The following PPAN variants were observed in gnomAD, a reference collection of about 807,000 sequenced individuals.
The protein encoded by PPAN is peter pan homolog.
In PPAN, 39 loss-of-function variants were observed where a neutral mutation model predicts 48.5. That is an observed-to-expected ratio of 0.80 (90% CI 0.62 to 1.05). The LOEUF (loss-of-function observed/expected upper bound fraction) is 1.05, where lower values mean the gene tolerates loss of function less well. PPAN is among the 50% of genes least tolerant of loss of function. PPAN has a pLI of 0.00. For synonymous variants in PPAN, 315 were observed against 268.6 expected (o/e 1.17, Z -1.69); for missense variants, 736 against 661.7 (o/e 1.11, Z -1.23).
Position 10,110,710 on chromosome 19 carries a change from G to A in PPAN, c.1045G>A (p.Glu349Lys), listed in dbSNP as rs1006148478. Residue 349 changes from glutamate to lysine, a missense_variant, in exon 11 of 12, where the codon GAG becomes AAG. Glu to Lys is a moderately conservative substitution (Grantham distance 56, BLOSUM62 1). Coordinates refer to ENST00000253107, the MANE Select transcript of PPAN (RefSeq NM_020230.7). This position sits in a 1 kb window ranked among gnomAD's most constrained non-coding sequence, Gnocchi z 5.9. Reference sequence around the variant, plus strand: ...GCCCTCCTCCAGAAAGAAGAGCCTGGAGGGCATGAAGAAGGCACGGGTCGG... The same window carrying A: ...GCCCTCCTCCAGAAAGAAGAGCCTGAAGGGCATGAAGAAGGCACGGGTCGG... Reference protein sequence around the residue: ...QREAHRKKSLEGMKKARVGGS... With the variant: ...QREAHRKKSLKGMKKARVGGS... 2.5e-6 allele frequency: 4 copies of A among 1,613,872 alleles called. No individual in the cohort carries two copies. In the South Asian group the frequency reaches 3.3e-5, roughly 13 times the overall value.
chr19:10,107,236 C>T (rs1280870297), intron 2 of PPAN, among the ~76,000 whole-genome samples: 2 of 152,170 alleles, frequency 1.3e-5, no homozygotes, highest in Middle Eastern at 3.2e-3. Flanking sequence ...TGGAAACTGA[C>T]TTCTCCCCAG....
chr19:10,112,003 G>C lies in PPAN; in HGVS notation c.*838G>C. 2.3e-6 allele frequency: 1 copy of C among 439,462 alleles called. No homozygotes were observed. Among genetic ancestry groups the C allele is most frequent in the South Asian group, 2.5e-5 (1 of 40,222 alleles). The allele number at this position is 439,462 out of a possible 1,614,324, so 27.2% of individuals were successfully genotyped here. On this transcript the variant is annotated 3_prime_UTR_variant, in exon 12 of 12. Transcript: ENST00000253107. ...CACATGCCTGTAATCCCAGCTACTC[G>C]GGAGGCTGAGACAAGAGAATCACTT...
At chr19:10,107,079 C>T in intron 2 of PPAN, 2 of 454,558 alleles carry the variant, frequency 4.4e-6, no homozygotes, top group Non-Finnish European at 8.5e-6. Flanking sequence ...CCCGGCTACT[C>T]GGGAGGCTGA....
chr19:10,109,211 G>A (rs2088951748), intron 5 of PPAN, among the ~76,000 whole-genome samples: 1 of 151,816 alleles, frequency 6.6e-6, no homozygotes, highest in Non-Finnish European at 1.5e-5. Flanking sequence ...TGCCCGCCTC[G>A]GCCTCCCAAA....
At position 10,108,037 on chromosome 19, in the gene PPAN, C is replaced by T. The variant is rs781624793; in HGVS notation, c.416C>T (p.Pro139Leu). The part of the protein sequence containing the change: ...RMHEQQFAHP[P>L]LLVLNSFGPH... ...CACGAGCAGCAGTTTGCCCACCCAC[C>T]CCTCCTGGTACTCAACAGCTTTGGC... The change falls in exon 5 of 12, where the codon CCC becomes CTC. Residue 139 changes from proline (P) to leucine (L), a missense_variant. Physicochemically the swap from Pro to Leu is moderately conservative, Grantham distance 98 (BLOSUM62 -3). Transcript: ENST00000253107. 5.6e-6 allele frequency: 9 copies of T among 1,613,860 alleles called. No individual in the cohort carries two copies. In the South Asian group the frequency reaches 6.6e-5, roughly 12 times the overall value.
upstream of PPAN, chr19:10,106,349 C>T: frequency 1.3e-6 from 2 of 1,548,626 alleles, no homozygotes; most frequent in Non-Finnish European, 1.7e-6. Context: ...AGCTGCGCAG[C>T]GCCGGAAGCG....
Position 10,111,329 on chromosome 19 carries a change from C to A in PPAN, c.*164C>A. 1.1e-6 allele frequency: 1 copy of A among 917,816 alleles called. No individual in the cohort carries two copies. The highest frequency in any genetic ancestry group is 1.6e-6 in the Non-Finnish European group (1 of 628,340). The allele number at this position is 917,816 out of a possible 1,614,324, so 56.9% of individuals were successfully genotyped here. On this transcript the variant is annotated 3_prime_UTR_variant, in exon 12 of 12. Coordinates refer to ENST00000253107, the MANE Select transcript of PPAN (RefSeq NM_020230.7). ...ACGTCAGCGTTTGGGATGGGGGATTCTGGAGCCATACAAAGCAACCCAGAG... is the reference window on the plus strand; with the variant it reads ...ACGTCAGCGTTTGGGATGGGGGATTATGGAGCCATACAAAGCAACCCAGAG...
rs759057734 is a variant in PPAN, at chr19:10,110,497, A to T, written c.914A>T (p.Glu305Val). ...TCTCTTGGCTCAGTGAGCAAGACGG[A>T]GGAGGAGCTGCAGGCCATCCTGGAA... ...VMFHSFVSKTEEELQAILEAK... is the reference protein window; with the variant it reads ...VMFHSFVSKTVEELQAILEAK... The change falls in exon 10 of 12, where the codon GAG becomes GTG. Residue 305 changes from glutamate (E) to valine (V), a missense_variant. By Grantham distance (121) the Glu-to-Val change is moderately radical. Coordinates refer to ENST00000253107, the MANE Select transcript of PPAN (RefSeq NM_020230.7). The surrounding 1 kb of genome is among the most constrained non-coding windows in gnomAD (Gnocchi z 5.9). 6.2e-7 allele frequency: 1 copy of T among 1,612,272 alleles called. No individual in the cohort carries two copies. Among genetic ancestry groups the T allele is most frequent in the Admixed American group, 1.7e-5 (1 of 59,960 alleles).
chr19:10,107,123 G>A (rs2088857061), intron 2 of PPAN: 1 of 413,184 alleles, frequency 2.4e-6, no homozygotes. Flanking sequence ...GGAAATTAAG[G>A]CTGTAGTGAA....
chr19:10,106,306 C>T (rs1028531433), upstream of PPAN: 27 of 1,540,132 alleles, frequency 1.8e-5, no homozygotes, highest in Non-Finnish European at 2.3e-5. Flanking sequence ...TGATGTCGTC[C>T]CACGCCGTGC....
At position 10,108,105 on chromosome 19, in the gene PPAN, A is replaced by T; in HGVS notation, c.484A>T (p.Asn162Tyr). 1 of 1,613,300 alleles carries T rather than the reference A, an allele frequency of 6.2e-7. No individual in the cohort carries two copies. Among genetic ancestry groups the T allele is most frequent in the Non-Finnish European group, 8.5e-7 (1 of 1,179,530 alleles). Reference protein sequence around the residue: ...HVKLMATMFQNLFPSINVHKV... With the variant: ...HVKLMATMFQYLFPSINVHKV... Reference sequence around the variant, plus strand: ...GAAGCTCATGGCCACCATGTTCCAGAACCTGTTCCCCTCCATCAACGTGCA... The same window carrying T: ...GAAGCTCATGGCCACCATGTTCCAGTACCTGTTCCCCTCCATCAACGTGCA... Residue 162 changes from asparagine (N) to tyrosine (Y), a missense_variant, in exon 5 of 12, where the codon AAC (asparagine) becomes TAC (tyrosine). Physicochemically the swap from Asn to Tyr is moderately radical, Grantham distance 143. Transcript: ENST00000253107.
At chr19:10,109,288 C>T (rs537024932) in intron 5 of PPAN, among the ~76,000 whole-genome samples, 6 of 152,006 alleles carry the variant, frequency 3.9e-5, no homozygotes, top group Non-Finnish European at 7.4e-5. Flanking sequence ...GAGACGGGGT[C>T]TCCGTACGTT....
chr19:10,106,357 G>A (rs1273150712), upstream of PPAN: 11 of 1,548,786 alleles, frequency 7.1e-6, no homozygotes, highest in Non-Finnish European at 9.6e-6. Flanking sequence ...AGCGCCGGAA[G>A]CGGCGGACGC....
At chr19:10,107,876 C>A (rs1159484400) in intron 4 of PPAN, 22 bp downstream of exon 4, 1 of 1,611,056 alleles carries the variant, frequency 6.2e-7, no homozygotes, top group East Asian at 2.2e-5. Flanking sequence ...GGAGGTGGTA[C>A]AAAGCCATGT....
rs771217279 is a variant in PPAN at position 10,109,618 on chromosome 19, C to T, written c.514-13C>T. The T allele has an allele frequency of 5.0e-6, 8 of 1,610,776 alleles. No individual in the cohort carries two copies. In the African/African-American group the frequency reaches 9.4e-5, roughly 19 times the overall value. The stretch of plus-strand genomic sequence containing the variant: ...TGAGTCTACTGGACTATGCTCTCTT[C>T]CTCCCCTTCCAGGTGAACCTGAACA... On this transcript the variant is annotated splice_polypyrimidine_tract_variant and intron_variant, in intron 5 of 11. Coordinates refer to ENST00000253107, the MANE Select transcript of PPAN (RefSeq NM_020230.7).
chr19:10,111,628 A>ATGGGGC lies in PPAN; in HGVS notation c.*470_*475dup. On this transcript the variant is annotated 3_prime_UTR_variant, in exon 12 of 12. Coordinates refer to ENST00000253107, the MANE Select transcript of PPAN (RefSeq NM_020230.7). ...CTGCTGGCTGGGCCAGTAACTGGGG[A>ATGGGGC]TGGGGCTGGGGCAGGGCCCACTAAG... is the stretch of plus-strand genomic sequence containing the variant. 1 of 1,521,926 alleles carries ATGGGGC rather than the reference A, an allele frequency of 6.6e-7. No individual in the cohort carries two copies. Among genetic ancestry groups the ATGGGGC allele is most frequent in the Non-Finnish European group, 9.1e-7 (1 of 1,099,792 alleles). The allele number at this position is 1,521,926 out of a possible 1,614,324, so 94.3% of individuals were successfully genotyped here.
chr19:10,106,792 C>T (rs1180873354), intron 2 of PPAN, 121 bp downstream of exon 2: 5 of 1,390,106 alleles, frequency 3.6e-6, no homozygotes, highest in Admixed American at 2.8e-5. Flanking sequence ...AAAAAAAGAC[C>T]CTCATGGGGA....
chr19:10,108,367 A>T (rs990753783), intron 5 of PPAN, among the ~76,000 whole-genome samples: 1 of 152,134 alleles, frequency 6.6e-6, no homozygotes, highest in Admixed American at 6.6e-5. Context: ...CGGTGGAAAG[A>T]AATACTGATG....
chr19:10,110,172 A>G lies in PPAN; in HGVS notation c.748A>G (p.Ile250Val), dbSNP rs1028288979. 1.2e-6 allele frequency: 2 copies of G among 1,610,500 alleles called. No homozygotes were observed. Among genetic ancestry groups the G allele is most frequent in the Admixed American group, 1.7e-5 (1 of 60,000 alleles). ...GGCAGAGCCTGACGGCGACCACAAC[A>G]TCACAGAGCTGCCTCAGGCTGTCGC... ...SEAEPDGDHN[I>V]TELPQAVAGR... Residue 250 changes from isoleucine to valine, a missense_variant, in exon 8 of 12, where the codon ATC becomes GTC. Physicochemically the swap from Ile to Val is conservative, Grantham distance 29 (BLOSUM62 3). Transcript: ENST00000253107. The surrounding 1 kb of genome is among the most constrained non-coding windows in gnomAD (Gnocchi z 5.9).
Sources: allele counts gnomAD v4.1 joint callset (sites outside exome capture counted in the v4.1 genomes callset), GRCh38; gene constraint gnomAD v4.1.1; non-coding constraint Gnocchi (gnomAD v3.1); transcripts MANE v1.5; gene names NCBI Gene and HGNC (gene_info 2026-07-23, HGNC 2026-07-21).